Variants in PCDHGA11 observed in about 807,000 individuals in gnomAD.
PCDHGA11 encodes the protein protocadherin gamma-A11.
A neutral mutation model predicts 60.4 loss-of-function variants in PCDHGA11; 39 were observed. The ratio of observed to expected loss-of-function variants is 0.65; its 90% CI spans 0.50 to 0.84. The LOEUF (loss-of-function observed/expected upper bound fraction) is 0.84, where lower values mean the gene tolerates loss of function less well. PCDHGA11 is among the 40% of genes least tolerant of loss of function. PCDHGA11 has a pLI of 0.00. For synonymous variants in PCDHGA11, 533 were observed against 510.3 expected (o/e 1.04, Z -0.60); for missense variants, 1,165 against 1,197.7 (o/e 0.97, Z 0.40).
In PCDHGA11 at chr5:141,423,270, T is replaced by G. The variant is rs1304998648; in HGVS notation, c.2043T>G (p.Ser681=). 3 of 1,613,686 alleles carry G rather than the reference T, an allele frequency of 1.9e-6. No homozygotes were observed. The African/African-American group carries it at 4.0e-5, about 22-fold the overall frequency. ...TGGCGGACCTCGGCAGCCTCGAGTC[T>G]CTGGCTAACTCTGAAACCTCAGACC... is the stretch of plus-strand genomic sequence containing the variant. ...EVLADLGSLE[S]LANSETSDLS... is the part of the protein sequence containing the mutation. The change falls in exon 1 of 4, where the codon TCT becomes TCG. Residue 681 remains serine (S), a synonymous_variant. Transcript: ENST00000398587.
At chr5:141,496,662 T>A (rs557106775) in intron 2 of PCDHGA11, among the ~76,000 whole-genome samples, 1 of 152,344 alleles carries the variant, frequency 6.6e-6, no homozygotes, top group African/African-American at 2.4e-5. Flanking sequence ...TGACCCCAGC[T>A]GTTGTCCTTC....
Position 141,477,099 on chromosome 5 carries a change from G to C in PCDHGA11, c.2434-17708G>C. On this transcript the variant is annotated intron_variant, in intron 1 of 3. Transcript: ENST00000398587. This position sits in a 1 kb window ranked among gnomAD's most constrained non-coding sequence, Gnocchi z 4.9. ...ATTTACATCCAGGCCAAAGACAAGG[G>C]CGCCAATCCCGAAGGAGCACATTGC... 6.2e-7 allele frequency: 1 copy of C among 1,614,256 alleles called. No individual in the cohort carries two copies. Among genetic ancestry groups the C allele is most frequent in the Non-Finnish European group, 8.5e-7 (1 of 1,180,054 alleles).
rs1449605701 is a variant in PCDHGA11 at position 141,485,191 on chromosome 5, A to C, written c.2434-9616A>C. ...CGGCAGCAATGCTCCGCAAGGTGAG[A>C]AGCTGGACAGAAATCTGGCGGTGGG... is the stretch of plus-strand genomic sequence containing the variant. On this transcript the variant is annotated intron_variant, in intron 1 of 3. Coordinates refer to ENST00000398587, the MANE Select transcript of PCDHGA11 (RefSeq NM_018914.3). This position sits in a 1 kb window ranked among gnomAD's most constrained non-coding sequence, Gnocchi z 5.7. The C allele has an allele frequency of 6.2e-7, 1 of 1,613,836 alleles. No individual in the cohort carries two copies. The highest frequency in any genetic ancestry group is 1.3e-5 in the African/African-American group (1 of 75,042).
Position 141,477,553 on chromosome 5 carries a change from A to G in PCDHGA11, c.2434-17254A>G. ...TCCCCGGGGCTCCAATACTAAACCTAAGTGTCTGGGACCCCGACGCCCCGC... is the reference window on the plus strand; with the variant it reads ...TCCCCGGGGCTCCAATACTAAACCTGAGTGTCTGGGACCCCGACGCCCCGC... On this transcript the variant is annotated intron_variant, in intron 1 of 3. Transcript: ENST00000398587. This position sits in a 1 kb window ranked among gnomAD's most constrained non-coding sequence, Gnocchi z 4.9. 5 of 1,614,090 alleles carry G rather than the reference A, an allele frequency of 3.1e-6. No individual in the cohort carries two copies. The highest frequency in any genetic ancestry group is 4.2e-6 in the Non-Finnish European group (5 of 1,180,020).
Position 141,489,629 on chromosome 5 carries a change from C to T in PCDHGA11, c.2434-5178C>T. Reference sequence around the variant, plus strand: ...GAGATCCTGGATCTCAATGACAACTCTCCTAGCTTTGCCACCCCTGAGCGA... The same window carrying T: ...GAGATCCTGGATCTCAATGACAACTTTCCTAGCTTTGCCACCCCTGAGCGA... On this transcript the variant is annotated intron_variant, in intron 1 of 3. Transcript: ENST00000398587. This position sits in a 1 kb window ranked among gnomAD's most constrained non-coding sequence, Gnocchi z 4.5. 6.2e-7 allele frequency: 1 copy of T among 1,614,142 alleles called. No homozygotes were observed. The highest frequency in any genetic ancestry group is 1.7e-5 in the Admixed American group (1 of 60,032).
rs768265171 is a variant in PCDHGA11, at chr5:141,432,847, G to T, written c.2433+9187G>T. The T allele has an allele frequency of 6.2e-7, 1 of 1,614,180 alleles. No homozygotes were observed. On this transcript the variant is annotated intron_variant, in intron 1 of 3. Transcript: ENST00000398587. The surrounding 1 kb of genome is among the most constrained non-coding windows in gnomAD (Gnocchi z 6.0). ...ACCTCACTCTGTACCTGGTGGTAGC[G>T]GTGGCCGCGGTCTCCTGCGTCTTCC...
rs1208504589 is a variant in PCDHGA11, at chr5:141,431,631, T to C, written c.2433+7971T>C. On this transcript the variant is annotated intron_variant, in intron 1 of 3. Coordinates refer to ENST00000398587, the MANE Select transcript of PCDHGA11 (RefSeq NM_018914.3). The surrounding 1 kb of genome is among the most constrained non-coding windows in gnomAD (Gnocchi z 4.8). ...TATGTGGACGACAAGGCGGCCCAAG[T>C]TTTCAAACTAGATTGTAATTCAGGG... The C allele has an allele frequency of 6.2e-6, 10 of 1,614,132 alleles. No individual in the cohort carries two copies. Among genetic ancestry groups the C allele is most frequent in the Non-Finnish European group, 8.5e-6 (10 of 1,180,016 alleles).
intron 2 of PCDHGA11, among the ~76,000 whole-genome samples, chr5:141,504,402 G>A (rs2099837969): frequency 6.6e-6 from 1 of 152,170 alleles, no homozygotes; most frequent in Admixed American, 6.6e-5. Context: ...AGCCAGTGTG[G>A]TGGAGGAACA....
Position 141,512,270 on chromosome 5 carries a change from G to C in PCDHGA11, c.*1097G>C, listed in dbSNP as rs1188941232. On this transcript the variant is annotated 3_prime_UTR_variant, in exon 4 of 4. Transcript: ENST00000398587. ...TCTGTGGGTGCTGGGTACTCCAGAG[G>C]TGCCACTGGTGGAAGGGTCAGCGGA... 6.5e-6 allele frequency: 1 copy of C among 152,714 alleles called. No homozygotes were observed. The highest frequency in any genetic ancestry group is 2.4e-5 in the African/African-American group (1 of 41,452). The allele number at this position is 152,714 out of a possible 1,614,324, so 9.5% of individuals were successfully genotyped here. A position where few individuals can be genotyped will look rare whatever the true frequency, so the allele number is the denominator to read the frequency against.
In PCDHGA11 at chr5:141,423,089, G is replaced by C. The variant is rs201821221; in HGVS notation, c.1862G>C (p.Gly621Ala). The stretch of plus-strand genomic sequence containing the variant: ...AGCGAGCCGGGACTCTTCGCGGTGG[G>C]GGAGCACACGGGCGAGGTGCGTACA... The part of the protein sequence containing the change: ...KASEPGLFAV[G>A]EHTGEVRTAR... Residue 621 changes from glycine to alanine, a missense_variant, in exon 1 of 4, where the codon GGG becomes GCG. Transcript: ENST00000398587. 4.0e-5 allele frequency: 65 copies of C among 1,614,016 alleles called. No individual in the cohort carries two copies. In the African/African-American group the frequency reaches 7.2e-4, roughly 18 times the overall value.
At chr5:141,478,708 A>G (rs1394463788) in intron 1 of PCDHGA11, 31 of 1,548,072 alleles carry the variant, frequency 2.0e-5, no homozygotes, top group Non-Finnish European at 2.5e-5. Context: ...TGCCTTTGTG[A>G]GATGGTGGCC....
chr5:141,485,003 A>G lies in PCDHGA11; in HGVS notation c.2434-9804A>G. On this transcript the variant is annotated intron_variant, in intron 1 of 3. Coordinates refer to ENST00000398587, the MANE Select transcript of PCDHGA11 (RefSeq NM_018914.3). The surrounding 1 kb of genome is among the most constrained non-coding windows in gnomAD (Gnocchi z 5.7). ...CAATCGGGTGGTGAAAGGCAGACAA[A>G]TCTACCCCGCCACCAGCAAAAACGG... 1 of 620,758 alleles carries G rather than the reference A, an allele frequency of 1.6e-6. No homozygotes were observed. The highest frequency in any genetic ancestry group is 2.0e-5 in the South Asian group (1 of 50,492). The allele number at this position is 620,758 out of a possible 1,614,324, so 38.5% of individuals were successfully genotyped here.
intron 1 of PCDHGA11, chr5:141,478,942 C>G: frequency 1.7e-6 from 1 of 579,218 alleles, no homozygotes; most frequent in Non-Finnish European, 2.9e-6. Context: ...TCTAGGAATA[C>G]AAAAACTACC....
chr5:141,492,026 G>A, intron 1 of PCDHGA11: 1 of 567,198 alleles, frequency 1.8e-6, no homozygotes, highest in South Asian at 2.9e-5. Flanking sequence ...GGGGTCCCGG[G>A]AGGAGGCAGT....
rs563283218 is a variant in PCDHGA11, at chr5:141,431,573, G to A, written c.2433+7913G>A. On this transcript the variant is annotated intron_variant, in intron 1 of 3. Coordinates refer to ENST00000398587, the MANE Select transcript of PCDHGA11 (RefSeq NM_018914.3). This position sits in a 1 kb window ranked among gnomAD's most constrained non-coding sequence, Gnocchi z 4.8. ...AGTCAACGCTACCGACCCTGACGAA[G>A]GAGTCAATGCGGAAGTGAGGTATTC... 5.6e-6 allele frequency: 9 copies of A among 1,614,186 alleles called. No homozygotes were observed. The South Asian group carries it at 8.8e-5, about 16-fold the overall frequency.
intron 1 of PCDHGA11, among the ~76,000 whole-genome samples, chr5:141,438,611 TATATATATATATATATATATATATAC>T (rs1451681129): frequency 0.1 from 4,016 of 39,372 alleles, 166 homozygotes; most frequent in Middle Eastern, 0.18. Context: ...TATATATATA[TATATATATATATATATATATATATAC>T]ACACACACAC....
intron 1 of PCDHGA11, among the ~76,000 whole-genome samples, chr5:141,455,907 ATTTATTTT>A (rs1199495676): frequency 7.1e-5 from 9 of 126,872 alleles, no homozygotes; most frequent in African/African-American, 1.1e-4. Context: ...TTATTTATTT[ATTTATTTT>A]GAGACGGAGT....
intron 1 of PCDHGA11, among the ~76,000 whole-genome samples, chr5:141,435,568 A>C (rs564789030): frequency 8.7e-4 from 132 of 152,274 alleles, no homozygotes; most frequent in Middle Eastern, 6.8e-3. Context: ...TTTTTTTAGT[A>C]CTGGGGCAAA....
intron 1 of PCDHGA11, among the ~76,000 whole-genome samples, chr5:141,430,390 A>G (rs1231067120): frequency 6.6e-6 from 1 of 152,216 alleles, no homozygotes; most frequent in Non-Finnish European, 1.5e-5. Flanking sequence ...TGGGAAAAAA[A>G]AAAAAAGCTC....
Sources: allele counts gnomAD v4.1 joint callset (sites outside exome capture counted in the v4.1 genomes callset), GRCh38; gene constraint gnomAD v4.1.1; non-coding constraint Gnocchi (gnomAD v3.1); transcripts MANE v1.5; gene names NCBI Gene and HGNC (gene_info 2026-07-23, HGNC 2026-07-21).